The following UBL3 variants were observed in gnomAD, a reference collection of about 807,000 sequenced individuals.
The protein encoded by UBL3 is ubiquitin like 3.
A neutral mutation model predicts 18.4 loss-of-function variants in UBL3; 6 were observed. That is an observed-to-expected ratio of 0.33 (90% CI 0.18 to 0.64). UBL3 has a LOEUF of 0.64. Among genes scored for constraint, UBL3 ranks in the 30% least tolerant of loss-of-function variants. The pLI, the probability that UBL3 is intolerant of heterozygous loss-of-function variation, is 0.76. For missense variants in UBL3, 109 were observed against 142.9 expected (o/e 0.76, Z 1.21); for synonymous variants, 49 against 46.6 (o/e 1.05, Z -0.21).
intron 1 of UBL3, among the ~76,000 whole-genome samples, chr13:29,781,136 C>T (rs1320543464): frequency 6.6e-6 from 1 of 152,144 alleles, no homozygotes; most frequent in Non-Finnish European, 1.5e-5. Flanking sequence ...GATCACACTA[C>T]TGCACTCCAG....
intron 1 of UBL3, 85 bp downstream of exon 1, chr13:29,849,427 T>C (rs1168101890): frequency 4.6e-5 from 74 of 1,593,768 alleles, no homozygotes; most frequent in Non-Finnish European, 6.1e-5. Flanking sequence ...CCCCAGCAAA[T>C]CTTCGCCCCA....
chr13:29,834,774 A>T (rs1008831022), intron 1 of UBL3, among the ~76,000 whole-genome samples: 7 of 152,058 alleles, frequency 4.6e-5, no homozygotes, highest in African/African-American at 1.4e-4. Context: ...AGAATGGTCA[A>T]AAAGTTAGAA....
chr13:29,787,179 T>C (rs1367077615), intron 1 of UBL3, among the ~76,000 whole-genome samples: 8 of 152,172 alleles, frequency 5.3e-5, no homozygotes, highest in Non-Finnish European at 1.2e-4. Flanking sequence ...TGTTTTTTTT[T>C]TCTTCATCAG....
In UBL3 at chr13:29,849,492, A is replaced by G; in HGVS notation, c.27+20T>C. On this transcript the variant is annotated intron_variant, in intron 1 of 4. Transcript: ENST00000380680. ...TGGAAACCACAATTAAATCAGTGTC[A>G]TAACTTATCCGTCACTTACCATATC... The G allele has an allele frequency of 6.2e-7, 1 of 1,614,134 alleles. No individual in the cohort carries two copies. Among genetic ancestry groups the G allele is most frequent in the East Asian group, 2.2e-5 (1 of 44,884 alleles).
At chr13:29,793,528 T>C (rs1240871445) in intron 1 of UBL3, among the ~76,000 whole-genome samples, 1 of 152,212 alleles carries the variant, frequency 6.6e-6, no homozygotes, top group Non-Finnish European at 1.5e-5. Context: ...CAATGTTCTA[T>C]TTATTTATTT....
At chr13:29,779,387 C>T (rs2139313683) in intron 1 of UBL3, 1 of 252,266 alleles carries the variant, frequency 4.0e-6, no homozygotes, top group Non-Finnish European at 7.7e-6. Flanking sequence ...TTGTGTTTAA[C>T]TAGAAAAAAT....
At chr13:29,848,327 G>T (rs915862122) in intron 1 of UBL3, among the ~76,000 whole-genome samples, 2 of 149,368 alleles carry the variant, frequency 1.3e-5, no homozygotes, top group African/African-American at 4.9e-5. Context: ...TGTGGTGGTG[G>T]GCACCTGTAA....
At chr13:29,809,985 AT>A (rs1392835171) in intron 1 of UBL3, among the ~76,000 whole-genome samples, 3 of 151,708 alleles carry the variant, frequency 2.0e-5, no homozygotes, top group East Asian at 1.9e-4. Context: ...ACTTTGTGAA[AT>A]TTTTTTTTCC....
At chr13:29,805,675 A>C (rs1877881819) in intron 1 of UBL3, among the ~76,000 whole-genome samples, 1 of 152,216 alleles carries the variant, frequency 6.6e-6, no homozygotes, top group African/African-American at 2.4e-5. Flanking sequence ...TTGAAACATC[A>C]CAACATTCAA....
At chr13:29,798,908 T>G (rs1877685701) in intron 1 of UBL3, among the ~76,000 whole-genome samples, 2 of 152,240 alleles carry the variant, frequency 1.3e-5, no homozygotes, top group Admixed American at 1.3e-4. Flanking sequence ...GAAATTGTGC[T>G]AACGATATTT....
chr13:29,849,559 C>A lies in UBL3; in HGVS notation c.-21G>T, dbSNP rs1479659751. ...GACATCTTGCCGTTTGATATACACC[C>A]AGATGTTTACGAAAAAAACAAACAA... On this transcript the variant is annotated 5_prime_UTR_variant, in exon 1 of 5. Transcript: ENST00000380680. 6.2e-7 allele frequency: 1 copy of A among 1,613,576 alleles called. No homozygotes were observed. The highest frequency in any genetic ancestry group is 1.1e-5 in the South Asian group (1 of 91,076).
intron 3 of UBL3, among the ~76,000 whole-genome samples, chr13:29,768,087 C>T (rs1876740527): frequency 6.6e-6 from 1 of 151,718 alleles, no homozygotes; most frequent in Admixed American, 6.6e-5. Context: ...TTGTCTATTG[C>T]CTAATAAAAT....
chr13:29,808,131 A>G (rs1877944586), intron 1 of UBL3, among the ~76,000 whole-genome samples: 1 of 152,180 alleles, frequency 6.6e-6, no homozygotes, highest in Non-Finnish European at 1.5e-5. Context: ...AGCTTTCATT[A>G]CAATCTATTC....
intron 1 of UBL3, among the ~76,000 whole-genome samples, chr13:29,800,186 T>C (rs763042663): frequency 6.6e-6 from 1 of 152,262 alleles, no homozygotes; most frequent in African/African-American, 2.4e-5. Context: ...AATAAATCAC[T>C]GAATTTCACA....
At chr13:29,842,158 T>TTTA (rs5802533) in intron 1 of UBL3, among the ~76,000 whole-genome samples, 7 of 148,676 alleles carry the variant, frequency 4.7e-5, no homozygotes, top group African/African-American at 1.7e-4. Context: ...TTTTTTTTTT[T>TTTA]AGAGACAGAG....
At chr13:29,791,259 T>C (rs1877472164) in intron 1 of UBL3, among the ~76,000 whole-genome samples, 1 of 152,190 alleles carries the variant, frequency 6.6e-6, no homozygotes, top group Non-Finnish European at 1.5e-5. Flanking sequence ...CAATCCATCC[T>C]GTACTCTCAA....
chr13:29,772,096 C>A lies in UBL3; in HGVS notation c.223+16G>T, dbSNP rs745486363. 10 of 1,601,030 alleles carry A rather than the reference C, an allele frequency of 6.2e-6. No homozygotes were observed. The Admixed American group carries it at 1.2e-4, about 19-fold the overall frequency. On this transcript the variant is annotated intron_variant, in intron 3 of 4. Transcript: ENST00000380680. ...ATGAGACAGACATTAAATCCCATTA[C>A]AAAGGTGGCTGTTACCTCCTAATGT...
intron 1 of UBL3, among the ~76,000 whole-genome samples, chr13:29,798,818 T>C (rs962992121): frequency 7.9e-5 from 12 of 152,210 alleles, no homozygotes; most frequent in Admixed American, 5.2e-4. Flanking sequence ...GTTATAATTT[T>C]AGTAATTTTT....
intron 1 of UBL3, among the ~76,000 whole-genome samples, chr13:29,802,125 C>T (rs927926083): frequency 1.3e-5 from 2 of 152,212 alleles, no homozygotes; most frequent in African/African-American, 4.8e-5. Flanking sequence ...GGAGCAACAG[C>T]CTACCTACTA....
Sources: allele counts gnomAD v4.1 joint callset (sites outside exome capture counted in the v4.1 genomes callset), GRCh38; gene constraint gnomAD v4.1.1; transcripts MANE v1.5; gene names NCBI Gene and HGNC (gene_info 2026-07-23, HGNC 2026-07-21).